The following ANKLE2 variants were observed in gnomAD, a reference collection of about 807,000 sequenced individuals.
The protein encoded by ANKLE2 is ankyrin repeat and LEM domain-containing protein 2.
Under a neutral mutation model 84.2 loss-of-function variants are expected in ANKLE2, and 55 were observed. That is an observed-to-expected ratio of 0.65 (90% confidence interval 0.53 to 0.82). The LOEUF (loss-of-function observed/expected upper bound fraction) is 0.82. ANKLE2 is among the 40% of genes least tolerant of loss of function. The pLI is 0.00. For synonymous variants in ANKLE2, 551 were observed against 486.1 expected, an observed-to-expected ratio of 1.13 and a Z score of -1.76; for missense variants, 1,238 against 1,201.9, an observed-to-expected ratio of 1.03 and a Z score of -0.44.
rs1157476300 is a variant in ANKLE2, at chr12:132,761,825, A to C, written c.-27T>G. The C allele has an allele frequency of 3.0e-6, 3 of 1,000,226 alleles. No homozygotes were observed. Among genetic ancestry groups the C allele is most frequent in the African/African-American group, 3.5e-5 (2 of 57,056 alleles). 62.0% of individuals were successfully genotyped at this position (1,000,226 alleles called of 1,614,324 possible). A position where few individuals can be genotyped will look rare whatever the true frequency, so the allele number is the denominator to read the frequency against. On this transcript the variant is annotated 5_prime_UTR_variant, in exon 1 of 13. Coordinates refer to ENST00000357997, the MANE Select transcript of ANKLE2 (RefSeq NM_015114.3). ...GCCGCCGCCCGGGCCGCAGCCGCCG[A>C]GAAGCCCGCGCCCCGCGCCGCGCCC...
intron 1 of ANKLE2, chr12:132,759,892 G>A (rs2044586323): frequency 6.6e-6 from 1 of 152,056 alleles, no homozygotes. Flanking sequence ...CCAGCATTTT[G>A]GGAAGCTGAG....
chr12:132,739,214 T>C (rs917919890), intron 7 of ANKLE2, among the ~76,000 whole-genome samples: 3 of 152,146 alleles, frequency 2.0e-5, no homozygotes, highest in African/African-American at 7.2e-5. Context: ...ACATGCAGGT[T>C]ACCTATATAA....
intron 11 of ANKLE2, among the ~76,000 whole-genome samples, chr12:132,728,377 T>C (rs1352995119): frequency 6.6e-6 from 1 of 152,142 alleles, no homozygotes; most frequent in African/African-American, 2.4e-5. Context: ...TACAGGTGCC[T>C]GCCACCACGC....
At chr12:132,729,501 G>A (rs112214633) in intron 11 of ANKLE2, among the ~76,000 whole-genome samples, 178 bp downstream of exon 11, 1 of 10 alleles carries the variant, frequency 0.1, no homozygotes, top group Non-Finnish European at 0.17. Context: ...AAGGTGAGAG[G>A]AGGGGGAGGG....
At chr12:132,736,141 C>T (rs946441057) in intron 8 of ANKLE2, among the ~76,000 whole-genome samples, 4 of 152,078 alleles carry the variant, frequency 2.6e-5, no homozygotes, top group African/African-American at 4.8e-5. Flanking sequence ...TTAGTAGAGA[C>T]GGGTTTCACC....
In ANKLE2 at chr12:132,729,915, G is replaced by A; in HGVS notation, c.2247C>T (p.Ser749=). ...LNLQNIGRSV[S]KTPDESTKTK... The stretch of plus-strand genomic sequence containing the variant: ...TTTTTGTACTTTCATCTGGTGTCTT[G>A]GAAACGCTACGTCCTATATTTTGCA... The change falls in exon 11 of 13, where the codon TCC becomes TCT. Residue 749 remains serine (S), a synonymous_variant. Transcript: ENST00000357997. 4 of 1,613,614 alleles carry A rather than the reference G, an allele frequency of 2.5e-6. No individual in the cohort carries two copies. Among genetic ancestry groups the A allele is most frequent in the Non-Finnish European group, 3.4e-6 (4 of 1,179,886 alleles).
chr12:132,743,252 C>T lies in ANKLE2; in HGVS notation c.1255G>A (p.Ala419Thr). ...ACATCTGCATTTCCAAACTTACAAG[C>T]AAAATGCAACGGTGTGTCATAGCCC... is the stretch of plus-strand genomic sequence containing the variant. ...KMGYDTPLHFACKFGNADVVN... is the reference protein window; with the variant it reads ...KMGYDTPLHFTCKFGNADVVN... The change falls in exon 6 of 13, where the codon GCT becomes ACT. Residue 419 changes from alanine to threonine, a missense_variant. Around this residue, in one of 3 missense-constraint regions of ANKLE2, gnomAD observed 802 missense variants for 774.5 expected, o/e 1.04. Transcript: ENST00000357997. The surrounding 1 kb of genome is among the most constrained non-coding windows in gnomAD (Gnocchi z 4.1). 1 of 1,611,126 alleles carries T rather than the reference C, an allele frequency of 6.2e-7. No homozygotes were observed. Among genetic ancestry groups the T allele is most frequent in the Admixed American group, 1.7e-5 (1 of 59,582 alleles).
chr12:132,757,059 CAG>C (rs1404613985), intron 1 of ANKLE2: 2 of 152,128 alleles, frequency 1.3e-5, no homozygotes, highest in Non-Finnish European at 2.9e-5. Flanking sequence ...GTGAGTAACA[CAG>C]GGGAAGCTAA....
At chr12:132,735,281 G>T in intron 9 of ANKLE2, 125 bp downstream of exon 9, 1 of 895,420 alleles carries the variant, frequency 1.1e-6, no homozygotes, top group Non-Finnish European at 1.8e-6. Flanking sequence ...TTCACGAAAA[G>T]GACCAAGTCT....
Position 132,761,647 on chromosome 12 carries a change from G to T in ANKLE2, c.152C>A (p.Pro51Gln). The change falls in exon 1 of 13, where the codon CCG becomes CAG. Residue 51 changes from proline (P) to glutamine (Q), a missense_variant. Pro to Gln is a moderately conservative substitution (Grantham distance 76, BLOSUM62 -1). Coordinates refer to ENST00000357997, the MANE Select transcript of ANKLE2 (RefSeq NM_015114.3). ...GLGRSGTPVP[P>Q]PSAAAAPASG... ...GGCGGGGGCGGCGGCCGCGCTTGGC[G>T]GAGGAACTGGGGTCCCGCTGCGGCC... The T allele has an allele frequency of 7.9e-7, 1 of 1,270,682 alleles. No homozygotes were observed. The highest frequency in any genetic ancestry group is 2.6e-5 in the South Asian group (1 of 38,956). The allele number at this position is 1,270,682 out of a possible 1,614,324, so 78.7% of individuals were successfully genotyped here. A position where few individuals can be genotyped will look rare whatever the true frequency, so the allele number is the denominator to read the frequency against.
chr12:132,729,152 A>G (rs1259730759), intron 11 of ANKLE2, among the ~76,000 whole-genome samples: 1 of 151,276 alleles, frequency 6.6e-6, no homozygotes, highest in Non-Finnish European at 1.5e-5. Flanking sequence ...GGAGTTCGAC[A>G]CCAGCCTGGC....
At chr12:132,757,154 C>T (rs2044505507) in intron 1 of ANKLE2, 1 of 152,180 alleles carries the variant, frequency 6.6e-6, no homozygotes, top group Admixed American at 6.5e-5. Flanking sequence ...ACCGTGTGAA[C>T]AGGCTCTAGG....
chr12:132,738,527 GT>G (rs75342385), intron 7 of ANKLE2: 47 of 145,572 alleles, frequency 3.2e-4, no homozygotes, highest in East Asian at 1.0e-3. Context: ...TAGTTTCATA[GT>G]TTTTTTTTTT....
chr12:132,740,344 C>A (rs570766134), intron 7 of ANKLE2, among the ~76,000 whole-genome samples: 5 of 152,112 alleles, frequency 3.3e-5, no homozygotes, highest in Non-Finnish European at 7.3e-5. Context: ...CCTTAGATCA[C>A]GCTTGGTAAA....
In ANKLE2 at chr12:132,746,348, C is replaced by CAAAAAAAAAAAAAAAAAAAAAA. The variant is rs566130639; in HGVS notation, c.1230+1483_1230+1484insTTTTTTTTTTTTTTTTTTTTTT. On this transcript the variant is annotated intron_variant, in intron 5 of 12. Coordinates refer to ENST00000357997, the MANE Select transcript of ANKLE2 (RefSeq NM_015114.3). ...TGGGAGACAGAGCAAGACTCTGTCTCAAAAAAAAAAAAAAAAAAAGAATCA... is the reference window on the plus strand; with the variant it reads ...TGGGAGACAGAGCAAGACTCTGTCTCAAAAAAAAAAAAAAAAAAAAAAAAAAAAAAAAAAAAAAAAAGAATCA... Among the ~76,000 whole-genome samples, 80 of 66,498 alleles carry CAAAAAAAAAAAAAAAAAAAAAA rather than the reference C, an allele frequency of 1.2e-3. 1 individual carries two copies. The highest frequency in any genetic ancestry group is 2.1e-3 in the Non-Finnish European group (68 of 33,056). 43.6% of individuals were successfully genotyped at this position (66,498 alleles called of 152,430 possible).
At chr12:132,758,575 G>C (rs1244295811) in intron 1 of ANKLE2, 2 of 152,082 alleles carry the variant, frequency 1.3e-5, no homozygotes, top group African/African-American at 2.4e-5. Context: ...CCAGGCTGGA[G>C]TGCAGTGGCA....
At chr12:132,740,438 C>A (rs2044097839) in intron 7 of ANKLE2, among the ~76,000 whole-genome samples, 1 of 152,126 alleles carries the variant, frequency 6.6e-6, no homozygotes, top group Non-Finnish European at 1.5e-5. Context: ...GGACAGTGTG[C>A]AAATGGTGGT....
chr12:132,727,263 CA>C lies in ANKLE2; in HGVS notation c.2795del (p.Leu932ArgfsTer30). 1 of 1,560,882 alleles carries C rather than the reference CA, an allele frequency of 6.4e-7. No individual in the cohort carries two copies. Among genetic ancestry groups the C allele is most frequent in the Non-Finnish European group, 8.7e-7 (1 of 1,152,170 alleles). On this transcript the variant is annotated frameshift_variant, in exon 13 of 13. Coordinates refer to ENST00000357997, the MANE Select transcript of ANKLE2 (RefSeq NM_015114.3). LOFTEE classifies it high-confidence loss of function. ...AAGCCTACAGGGCGGCAAGCTCAGCCAGGCGCGCCATCCTGCGGAGCTGGCT... is the reference window on the plus strand; with the variant it reads ...AAGCCTACAGGGCGGCAAGCTCAGCCGGCGCGCCATCCTGCGGAGCTGGCT... ...HGSQLRRMAR[L>X]AELAAL
At chr12:132,747,716 G>T in intron 5 of ANKLE2, 116 bp downstream of exon 5, 2 of 1,315,034 alleles carry the variant, frequency 1.5e-6, no homozygotes, top group Non-Finnish European at 2.1e-6. Flanking sequence ...TGTAATTGAT[G>T]TATCTTTTCC....
Sources: gnomAD v4.1 joint callset for allele counts (sites outside exome capture counted in the v4.1 genomes callset) on GRCh38, gnomAD v4.1.1 for gene constraint, gnomAD v4.1.1 regional missense constraint, Gnocchi (gnomAD v3.1) non-coding constraint, MANE v1.5 for transcripts, NCBI Gene and HGNC (gene_info 2026-07-23, HGNC 2026-07-21) for gene names.